SLC37A3: variants seen among roughly 807,000 people sequenced by gnomAD.
The protein encoded by SLC37A3 is sugar phosphate exchanger 3.
In SLC37A3, 51 loss-of-function variants were observed where a neutral mutation model predicts 67.1. The ratio of observed to expected loss-of-function variants is 0.76; its 90% CI spans 0.61 to 0.96. The LOEUF (loss-of-function observed/expected upper bound fraction) is 0.96. SLC37A3 is among the 40% of genes least tolerant of loss of function. The probability of loss-of-function intolerance (pLI) is 0.00; values close to 1 mark genes in which losing one functional copy is unlikely to be tolerated. For missense variants in SLC37A3, 508 were observed against 603.0 expected (o/e 0.84, Z 1.65); for synonymous variants, 214 against 231.4 (o/e 0.92, Z 0.68).
At chr7:140,385,556 A>G (rs549739246) in intron 1 of SLC37A3, among the ~76,000 whole-genome samples, 1 of 152,228 alleles carries the variant, frequency 6.6e-6, no homozygotes, top group Admixed American at 6.6e-5. Flanking sequence ...ATGTAAAATC[A>G]TAATTCCAAA....
intron 11 of SLC37A3, 63 bp downstream of exon 11, chr7:140,345,806 A>G: frequency 7.5e-7 from 1 of 1,329,526 alleles, no homozygotes; most frequent in Non-Finnish European, 1.1e-6. Context: ...GACTCCAAAC[A>G]AATGCCTTAT....
At chr7:140,348,480 AG>A in intron 10 of SLC37A3, 145 bp downstream of exon 10, 1 of 411,228 alleles carries the variant, frequency 2.4e-6, no homozygotes, top group Non-Finnish European at 3.5e-6. Context: ...TTTTTTTTTG[AG>A]TTTGGCTGTT....
intron 14 of SLC37A3, among the ~76,000 whole-genome samples, chr7:140,335,737 C>T (rs566009396): frequency 4.6e-5 from 7 of 152,292 alleles, no homozygotes; most frequent in Non-Finnish European, 8.8e-5. Context: ...AAATAATTTG[C>T]CATAGGCGGA....
At chr7:140,352,321 T>G in intron 7 of SLC37A3, 175 bp from the exon 8 acceptor site, 1 of 608,938 alleles carries the variant, frequency 1.6e-6, no homozygotes, top group Non-Finnish European at 2.9e-6. Context: ...AGTGTTCTAC[T>G]CGTGTTTTCT....
At chr7:140,397,445 C>T (rs1427026611) in intron 1 of SLC37A3, among the ~76,000 whole-genome samples, 1 of 151,934 alleles carries the variant, frequency 6.6e-6, no homozygotes. Context: ...CCACAGGCCT[C>T]GGCCTCCCAA....
intron 1 of SLC37A3, among the ~76,000 whole-genome samples, chr7:140,391,776 CCAGA>C (rs751809611): frequency 3.3e-5 from 5 of 152,140 alleles, no homozygotes; most frequent in African/African-American, 4.8e-5. Flanking sequence ...CCAGTAATCA[CCAGA>C]CACTCAGCTG....
At chr7:140,335,613 T>A in intron 14 of SLC37A3, 109 bp from the exon 15 acceptor site, 24 of 1,310,834 alleles carry the variant, frequency 1.8e-5, no homozygotes, top group Non-Finnish European at 2.3e-5. Context: ...TTTGACTTCA[T>A]ACAAAGATAA....
chr7:140,372,962 T>C (rs1403209064), intron 3 of SLC37A3, among the ~76,000 whole-genome samples: 1 of 152,170 alleles, frequency 6.6e-6, no homozygotes, highest in Non-Finnish European at 1.5e-5. Context: ...AATTTTTCTT[T>C]TTCTTTTGAG....
intron 13 of SLC37A3, among the ~76,000 whole-genome samples, chr7:140,342,421 A>AC (rs1348565827): frequency 6.6e-6 from 1 of 152,148 alleles, no homozygotes; most frequent in Non-Finnish European, 1.5e-5. Flanking sequence ...AGTTCCCTTG[A>AC]CTACAGGTTA....
At chr7:140,378,165 G>A (rs1432125083) in intron 3 of SLC37A3, among the ~76,000 whole-genome samples, 1 of 152,310 alleles carries the variant, frequency 6.6e-6, no homozygotes, top group African/African-American at 2.4e-5. Flanking sequence ...TATTGTTCAG[G>A]CTGTACCTGA....
chr7:140,357,170 C>T (rs553175653), intron 6 of SLC37A3, among the ~76,000 whole-genome samples: 4 of 152,186 alleles, frequency 2.6e-5, no homozygotes, highest in South Asian at 4.1e-4. Context: ...GCCGAGATCA[C>T]GCCATTGCAC....
In SLC37A3 at chr7:140,367,431, G is replaced by A. The variant is rs145797498; in HGVS notation, c.291+2159C>T. 7.1e-3 allele frequency among the ~76,000 whole-genome samples: 1,081 copies of A among 152,014 alleles called. 19 individuals carry two copies. Among genetic ancestry groups the A allele is most frequent in the South Asian group, 0.055 (265 of 4,822 alleles). ...AGCCTGGGCAAGAGAGCAAGACTCC[G>A]TCTCAAAAAATAATAATACAATAAA... On this transcript the variant is annotated intron_variant, in intron 4 of 14. Transcript: ENST00000326232.
At chr7:140,345,755 C>T in intron 11 of SLC37A3, 114 bp downstream of exon 11, 2 of 790,676 alleles carry the variant, frequency 2.5e-6, no homozygotes, top group African/African-American at 1.7e-5. Context: ...GCATATCGGG[C>T]CTTGAAGCTG....
At chr7:140,373,677 C>CT (rs59193678) in intron 3 of SLC37A3, among the ~76,000 whole-genome samples, 79 of 136,180 alleles carry the variant, frequency 5.8e-4, no homozygotes, top group East Asian at 8.7e-4. Flanking sequence ...CTTTTTTTTT[C>CT]TTTTTTTTTT....
chr7:140,362,347 C>T (rs1344259365), intron 5 of SLC37A3, among the ~76,000 whole-genome samples: 2 of 142,246 alleles, frequency 1.4e-5, no homozygotes, highest in Admixed American at 1.4e-4. Context: ...GGAGCCCCTC[C>T]GTCCGGCAGC....
chr7:140,394,281 T>TAAA (rs1420850416), intron 1 of SLC37A3, among the ~76,000 whole-genome samples: 20 of 152,262 alleles, frequency 1.3e-4, no homozygotes, highest in Middle Eastern at 3.4e-3. Context: ...ATTACTGCAT[T>TAAA]TAGTTCTCTC....
chr7:140,348,161 G>C (rs1318010348), intron 10 of SLC37A3, among the ~76,000 whole-genome samples: 3 of 152,178 alleles, frequency 2.0e-5, no homozygotes, highest in Non-Finnish European at 4.4e-5. Flanking sequence ...ACAGATAAGT[G>C]GGGGACTGGT....
At position 140,345,960 on chromosome 7, in the gene SLC37A3, CA is replaced by C. The variant is rs751582426; in HGVS notation, c.1034del (p.Leu345CysfsTer18). The C allele has an allele frequency of 5.6e-6, 9 of 1,613,184 alleles. No homozygotes were observed. The highest frequency in any genetic ancestry group is 2.7e-5 in the African/African-American group (2 of 74,886). ...YDVGGIIGGTLQGFISDVLQK... is the reference protein window; with the variant it reads ...YDVGGIIGGTXQGFISDVLQK... ...GTAGTACATCAGAGATGAAGCCTTG[CA>C]AAGTTCCACCTTCAAGCAGAGTGTC... On this transcript the variant is annotated frameshift_variant, in exon 11 of 15. Coordinates refer to ENST00000326232, the MANE Select transcript of SLC37A3 (RefSeq NM_207113.3). LOFTEE classifies it high-confidence loss of function.
chr7:140,359,140 G>A (rs1471082845), intron 5 of SLC37A3, among the ~76,000 whole-genome samples: 1 of 152,026 alleles, frequency 6.6e-6, no homozygotes, highest in Non-Finnish European at 1.5e-5. Flanking sequence ...TCAGGAAATC[G>A]AGACCATCCT....
Sources: gnomAD v4.1 joint callset for allele counts (sites outside exome capture counted in the v4.1 genomes callset) on GRCh38, gnomAD v4.1.1 for gene constraint, MANE v1.5 for transcripts, NCBI Gene and HGNC (gene_info 2026-07-23, HGNC 2026-07-21) for gene names.